Variants in KAZN observed in about 807,000 individuals in gnomAD.
KAZN encodes kazrin.
KAZN carries 40 observed loss-of-function variants against 87.4 expected under a neutral mutation model. The ratio of observed to expected loss-of-function variants is 0.46; its 90% confidence interval spans 0.36 to 0.60. The LOEUF (loss-of-function observed/expected upper bound fraction) is 0.60, where lower values mean the gene tolerates loss of function less well. Ranked by LOEUF, KAZN falls within the 20% of genes least tolerant of loss-of-function variation. The probability of loss-of-function intolerance (pLI) is 0.00; values close to 1 mark genes in which losing one functional copy is unlikely to be tolerated. For synonymous variants in KAZN, 466 were observed against 458.3 expected (o/e 1.02, Z -0.22); for missense variants, 898 against 1,073.9 (o/e 0.84, Z 2.29).
intron 1 of KAZN, among the ~76,000 whole-genome samples, chr1:14,135,009 ACACATG>A (rs1557503924): frequency 9.0e-5 from 5 of 55,624 alleles, no homozygotes; most frequent in African/African-American, 4.1e-4. Flanking sequence ...ACACATGTGC[ACACATG>A]CACACATACA....
At chr1:14,908,523 C>T (rs566948905) in intron 1 of KAZN, among the ~76,000 whole-genome samples, 1 of 152,216 alleles carries the variant, frequency 6.6e-6, no homozygotes, top group African/African-American at 2.4e-5. Flanking sequence ...GTCTGAGCGA[C>T]AGAGTGAAAC....
At chr1:14,300,500 T>C (rs1654472976) in intron 2 of KAZN, among the ~76,000 whole-genome samples, 1 of 152,166 alleles carries the variant, frequency 6.6e-6, no homozygotes, top group Admixed American at 6.5e-5. Context: ...CCTCCCAAAG[T>C]ACTGAGATTA....
intron 2 of KAZN, among the ~76,000 whole-genome samples, chr1:14,451,465 G>A (rs914825516): frequency 5.3e-5 from 8 of 152,174 alleles, no homozygotes; most frequent in Non-Finnish European, 1.2e-4. Flanking sequence ...CTGAGTTTCT[G>A]GAAGGTCTCA....
chr1:13,940,145 C>T (rs1317092492), intron 1 of KAZN, among the ~76,000 whole-genome samples: 3 of 152,134 alleles, frequency 2.0e-5, no homozygotes, highest in African/African-American at 7.2e-5. Flanking sequence ...TTAATGGTTT[C>T]ATAGAATGAG....
At chr1:14,205,089 T>A (rs1466516205) in intron 2 of KAZN, among the ~76,000 whole-genome samples, 2 of 152,180 alleles carry the variant, frequency 1.3e-5, no homozygotes, top group Non-Finnish European at 2.9e-5. Context: ...AGGAGGCAGA[T>A]GGGGAAGAGG....
chr1:14,054,504 C>T (rs1387003973), intron 1 of KAZN, among the ~76,000 whole-genome samples: 1 of 152,142 alleles, frequency 6.6e-6, no homozygotes, highest in East Asian at 1.9e-4. Context: ...AAATGTAAAA[C>T]ATTCTATCTC....
At chr1:14,054,377 G>A (rs796737041) in intron 1 of KAZN, among the ~76,000 whole-genome samples, 3 of 152,318 alleles carry the variant, frequency 2.0e-5, no homozygotes, top group East Asian at 1.9e-4. Context: ...TGGACAATCA[G>A]CTCCACAAGA....
chr1:14,972,111 G>A (rs1665115901), intron 2 of KAZN, among the ~76,000 whole-genome samples: 1 of 152,178 alleles, frequency 6.6e-6, no homozygotes, highest in South Asian at 2.1e-4. Flanking sequence ...GACAGGACTC[G>A]GTGTGCGTCA....
intron 2 of KAZN, among the ~76,000 whole-genome samples, chr1:14,295,528 G>C (rs1041108894): frequency 1.3e-5 from 2 of 152,072 alleles, no homozygotes; most frequent in African/African-American, 4.8e-5. Context: ...GAGTCACACA[G>C]AGGCATATAC....
At chr1:15,106,650 G>A (rs1641306032) in intron 13 of KAZN, among the ~76,000 whole-genome samples, 1 of 152,148 alleles carries the variant, frequency 6.6e-6, no homozygotes, top group Non-Finnish European at 1.5e-5. Context: ...AGATAAGAGG[G>A]AAATGACTCT....
intron 1 of KAZN, among the ~76,000 whole-genome samples, chr1:14,928,600 A>G (rs968950651): frequency 2.0e-5 from 3 of 152,162 alleles, no homozygotes; most frequent in Non-Finnish European, 2.9e-5. Flanking sequence ...GCTGTTAGCA[A>G]TTTCAGTGGG....
intron 2 of KAZN, among the ~76,000 whole-genome samples, chr1:14,363,206 A>G (rs1405280816): frequency 6.6e-6 from 1 of 152,178 alleles, no homozygotes; most frequent in African/African-American, 2.4e-5. Flanking sequence ...AAATAGCTGA[A>G]ATCTCTATAA....
intron 2 of KAZN, among the ~76,000 whole-genome samples, chr1:14,257,943 TAA>T: frequency 2.2e-5 from 1 of 45,550 alleles, no homozygotes; most frequent in African/African-American, 5.9e-5. Context: ...TAGAGTATAA[TAA>T]AAAAAAAAAA....
chr1:14,035,644 ATT>A (rs111800884), intron 1 of KAZN, among the ~76,000 whole-genome samples: 3 of 145,074 alleles, frequency 2.1e-5, no homozygotes, highest in East Asian at 2.0e-4. Flanking sequence ...TAATTTTTGT[ATT>A]TTTTTTTTTT....
intron 2 of KAZN, among the ~76,000 whole-genome samples, chr1:14,319,015 TTTATTTA>T (rs1557636836): frequency 0.1 from 2,538 of 24,328 alleles, 40 homozygotes; most frequent in East Asian, 0.44. Context: ...TTTATTTTTA[TTTATTTA>T]TTTATTTATT....
chr1:14,084,179 C>T (rs74057015), intron 1 of KAZN, among the ~76,000 whole-genome samples: 1,950 of 151,978 alleles, frequency 0.013, 38 homozygotes, highest in African/African-American at 0.043. Context: ...GGTCTGGGGA[C>T]GATCAGAAGG....
At chr1:14,486,167 C>T (rs910548098) in intron 2 of KAZN, among the ~76,000 whole-genome samples, 8 of 152,046 alleles carry the variant, frequency 5.3e-5, no homozygotes, top group African/African-American at 1.9e-4. Context: ...CCATCCTGCC[C>T]CAAGACCTTA....
At chr1:14,419,493 C>A (rs978340062) in intron 2 of KAZN, among the ~76,000 whole-genome samples, 1 of 152,182 alleles carries the variant, frequency 6.6e-6, no homozygotes, top group Non-Finnish European at 1.5e-5. Context: ...CCTGGACTTA[C>A]CAGAGTGTTA....
intron 2 of KAZN, among the ~76,000 whole-genome samples, chr1:14,384,297 T>C (rs953662793): frequency 1.3e-5 from 2 of 152,024 alleles, no homozygotes; most frequent in South Asian, 2.1e-4. Context: ...CCTAATTGAA[T>C]ACCCTTTATT....
Sources: allele counts gnomAD v4.1 joint callset (sites outside exome capture counted in the v4.1 genomes callset), GRCh38; gene constraint gnomAD v4.1.1; transcripts MANE v1.5; gene names NCBI Gene and HGNC (gene_info 2026-07-23, HGNC 2026-07-21).